Variants in SSH2 observed in about 807,000 individuals in gnomAD.
SSH2 encodes slingshot protein phosphatase 2.
Under a neutral mutation model 135.2 loss-of-function variants are expected in SSH2, and 37 were observed. That is an observed-to-expected ratio of 0.27 (90% confidence interval 0.21 to 0.36). SSH2 has a LOEUF of 0.36. Among genes scored for constraint, SSH2 ranks in the 10% least tolerant of loss-of-function variants. SSH2 has a pLI of 1.00. For synonymous variants in SSH2, 628 were observed against 646.2 expected (o/e 0.97, Z 0.43); for missense variants, 1,408 against 1,765.3 (o/e 0.80, Z 3.63).
chr17:29,663,566 T>C (rs1224663324), intron 11 of SSH2, among the ~76,000 whole-genome samples: 1 of 152,218 alleles, frequency 6.6e-6, no homozygotes, highest in African/African-American at 2.4e-5. Context: ...TGAAGTTTTT[T>C]TTCCCCCAAA....
intron 3 of SSH2, among the ~76,000 whole-genome samples, chr17:29,732,785 A>C (rs1402940454): frequency 6.6e-6 from 1 of 152,204 alleles, no homozygotes; most frequent in African/African-American, 2.4e-5. Context: ...GTTCCTTGGA[A>C]ACCAACAGAA....
At chr17:29,639,456 C>T (rs985395251) in intron 14 of SSH2, among the ~76,000 whole-genome samples, 4 of 151,860 alleles carry the variant, frequency 2.6e-5, no homozygotes, top group South Asian at 4.2e-4. Context: ...TGGGCTCTGC[C>T]GAGTCATGCT....
chr17:29,908,779 A>G (rs1303945446), intron 1 of SSH2, among the ~76,000 whole-genome samples: 7 of 148,820 alleles, frequency 4.7e-5, no homozygotes, highest in Non-Finnish European at 8.9e-5. Flanking sequence ...AAAAAAAAAA[A>G]AAAAAAAAAA....
chr17:29,741,909 C>T (rs2040568648), intron 3 of SSH2, among the ~76,000 whole-genome samples: 1 of 150,742 alleles, frequency 6.6e-6, no homozygotes, highest in African/African-American at 2.4e-5. Context: ...GCCACCATAC[C>T]CAGCCAGCAA....
chr17:29,683,225 T>C (rs1387633770), intron 6 of SSH2, among the ~76,000 whole-genome samples: 2 of 152,152 alleles, frequency 1.3e-5, no homozygotes, highest in East Asian at 3.8e-4. Flanking sequence ...TGAGGCTAAT[T>C]ATCCACAGCG....
chr17:29,648,696 C>A (rs919646305), intron 13 of SSH2, among the ~76,000 whole-genome samples: 12 of 152,188 alleles, frequency 7.9e-5, no homozygotes, highest in Admixed American at 4.6e-4. Context: ...GAGAAACATA[C>A]AATTAAAATG....
chr17:29,886,639 C>T (rs1198254510), intron 1 of SSH2, among the ~76,000 whole-genome samples: 5 of 149,782 alleles, frequency 3.3e-5, no homozygotes, highest in East Asian at 2.0e-4. Context: ...CCCAACTACT[C>T]GGGAGGCTGA....
chr17:29,657,777 G>A (rs527271390), intron 11 of SSH2, among the ~76,000 whole-genome samples: 2 of 151,724 alleles, frequency 1.3e-5, no homozygotes, highest in Non-Finnish European at 2.9e-5. Context: ...GTCTCACTAT[G>A]TTGCCCAGGC....
chr17:29,904,863 A>C (rs1321438263), intron 1 of SSH2, among the ~76,000 whole-genome samples: 1 of 152,164 alleles, frequency 6.6e-6, no homozygotes, highest in Admixed American at 6.5e-5. Context: ...AACAACAGGC[A>C]AGCAGGGACA....
At chr17:29,773,746 C>T (rs2041636488) in intron 3 of SSH2, among the ~76,000 whole-genome samples, 1 of 151,878 alleles carries the variant, frequency 6.6e-6, no homozygotes, top group Non-Finnish European at 1.5e-5. Flanking sequence ...GGCACGATCT[C>T]GGCTCACCAC....
At position 29,930,133 on chromosome 17, in the gene SSH2, G is replaced by A. The variant is rs548190330; in HGVS notation, c.-133C>T. 1.3e-4 allele frequency: 111 copies of A among 833,762 alleles called. No homozygotes were observed. In the African/African-American group the frequency reaches 1.7e-3, roughly 13 times the overall value. The allele number at this position is 833,762 out of a possible 1,614,324, so 51.6% of individuals were successfully genotyped here. On this transcript the variant is annotated 5_prime_UTR_variant, in exon 1 of 16. Transcript: ENST00000540801. The stretch of plus-strand genomic sequence containing the variant: ...GAACGGGGAGGAGGAGGAGGCCGCG[G>A]GAACGGCCGCAGACTCCGCACCCAC...
chr17:29,769,494 G>A (rs1466392206), intron 3 of SSH2, among the ~76,000 whole-genome samples: 2 of 152,140 alleles, frequency 1.3e-5, no homozygotes, highest in Admixed American at 1.3e-4. Flanking sequence ...TTGGAACTCT[G>A]TATTTCAAAC....
At chr17:29,727,957 G>C (rs1048812320) in intron 3 of SSH2, among the ~76,000 whole-genome samples, 9 of 152,202 alleles carry the variant, frequency 5.9e-5, no homozygotes, top group Non-Finnish European at 7.3e-5. Context: ...AAGGTGGGCA[G>C]ATCACAAGAG....
chr17:29,755,980 T>TA (rs1166374460), intron 3 of SSH2, among the ~76,000 whole-genome samples: 2 of 145,990 alleles, frequency 1.4e-5, no homozygotes, highest in African/African-American at 5.0e-5. Context: ...TTCAAAGAGA[T>TA]AGAGGCTGGG....
rs1411853812 is a variant in SSH2, at chr17:29,760,723, C to T, written c.188+33171G>A. On this transcript the variant is annotated intron_variant, in intron 3 of 15. Transcript: ENST00000540801. ...TTTTGTAAATGGTTAGCAATAGAAA[C>T]TTTAAAAAAAAAAAACCCATAATCA... Among the ~76,000 whole-genome samples, 3 of 150,910 alleles carry T rather than the reference C, an allele frequency of 2.0e-5. No homozygotes were observed. The South Asian group carries it at 6.3e-4, about 32-fold the overall frequency.
chr17:29,802,127 G>A (rs1192804589), intron 2 of SSH2, among the ~76,000 whole-genome samples: 1 of 152,116 alleles, frequency 6.6e-6, no homozygotes, highest in African/African-American at 2.4e-5. Flanking sequence ...CTCCCAAAGT[G>A]CTGGGATTAC....
Position 29,654,972 on chromosome 17 carries a change from T to C in SSH2, c.1079+589A>G, listed in dbSNP as rs1362763627. Among the ~76,000 whole-genome samples the C allele has an allele frequency of 2.0e-5, 3 of 152,366 alleles. No homozygotes were observed. The East Asian group carries it at 5.8e-4, about 29-fold the overall frequency. ...AACCCTACATATGCAATTCTATGTA[T>C]TCTTGCATAAAAATAAAAATTTGAT... On this transcript the variant is annotated intron_variant, in intron 12 of 15. Coordinates refer to ENST00000540801, the MANE Select transcript of SSH2 (RefSeq NM_001282129.2).
At chr17:29,635,169 T>A (rs1326578449) in intron 15 of SSH2, among the ~76,000 whole-genome samples, 2 of 152,144 alleles carry the variant, frequency 1.3e-5, no homozygotes, top group Non-Finnish European at 2.9e-5. Flanking sequence ...CCCAAAGCAC[T>A]GGGATTACAG....
chr17:29,749,208 G>A (rs1239127595), intron 3 of SSH2, among the ~76,000 whole-genome samples: 5 of 152,148 alleles, frequency 3.3e-5, no homozygotes, highest in African/African-American at 7.2e-5. Flanking sequence ...AAGCCCACTA[G>A]TATCGCACTA....
Sources: gnomAD v4.1 joint callset for allele counts (sites outside exome capture counted in the v4.1 genomes callset) on GRCh38, gnomAD v4.1.1 for gene constraint, MANE v1.5 for transcripts, NCBI Gene and HGNC (gene_info 2026-07-23, HGNC 2026-07-21) for gene names.